CDH20: variants seen among roughly 807,000 people sequenced by gnomAD.
CDH20 encodes the protein cadherin 20.
CDH20 carries 29 observed loss-of-function variants against 74.2 expected under a neutral mutation model. The observed-to-expected ratio is 0.39, with a 90% CI of 0.29 to 0.53. The LOEUF (loss-of-function observed/expected upper bound fraction) is 0.53. CDH20 is among the 20% of genes least tolerant of loss of function. The pLI is 0.69. For missense variants in CDH20, 988 were observed against 1,048.3 expected, an observed-to-expected ratio of 0.94 and a Z score of 0.79; for synonymous variants, 469 against 405.4, an observed-to-expected ratio of 1.16 and a Z score of -1.88.
In CDH20 at chr18:61,544,104, G is replaced by C. The variant is rs773348003; in HGVS notation, c.1531-923G>C. ...CCCTAAAGCAAAATTAAATCCCAAG[G>C]TGTGTGATGGCATGGAGACTGTGCA... On this transcript the variant is annotated intron_variant, in intron 9 of 11. Coordinates refer to ENST00000262717, the MANE Select transcript of CDH20 (RefSeq NM_031891.4). Among the ~76,000 whole-genome samples, 42 of 152,210 alleles carry C rather than the reference G, an allele frequency of 2.8e-4. 1 individual carries two copies. Among genetic ancestry groups the C allele is most frequent in the African/African-American group, 1.9e-4 (8 of 41,448 alleles).
chr18:61,448,045 A>G (rs1286617858), intron 1 of CDH20, among the ~76,000 whole-genome samples: 2 of 152,206 alleles, frequency 1.3e-5, no homozygotes, highest in Non-Finnish European at 2.9e-5. Flanking sequence ...AGCAACCCTC[A>G]CTATGAACTT....
intron 1 of CDH20, among the ~76,000 whole-genome samples, chr18:61,351,989 A>G (rs1052973220): frequency 1.3e-5 from 2 of 152,176 alleles, no homozygotes. Context: ...AAAATAAATG[A>G]TTATCATTTA....
intron 1 of CDH20, among the ~76,000 whole-genome samples, chr18:61,470,372 C>G (rs969823058): frequency 6.6e-6 from 1 of 152,148 alleles, no homozygotes. Flanking sequence ...CATTTTCCAA[C>G]GGAAAAAGGA....
At position 61,499,529 on chromosome 18, in the gene CDH20, T is replaced by TACACAC. The variant is rs71338240; in HGVS notation, c.541+59_541+64dup. On this transcript the variant is annotated intron_variant, in intron 3 of 11. Transcript: ENST00000262717. ...TCACAAATAGCACCTCCTATATATA[T>TACACAC]ACACACACACACACATATGCACATG... The TACACAC allele has an allele frequency of 6.2e-4, 647 of 1,046,054 alleles. 1 individual carries two copies. The highest frequency in any genetic ancestry group is 1.3e-3 in the South Asian group (84 of 65,012). 64.8% of individuals were successfully genotyped at this position (1,046,054 alleles called of 1,614,324 possible).
intron 1 of CDH20, among the ~76,000 whole-genome samples, chr18:61,402,661 T>C (rs939217203): frequency 1.3e-5 from 2 of 152,092 alleles, no homozygotes; most frequent in African/African-American, 4.8e-5. Context: ...CTGAGAAGAG[T>C]ACCATTAGGG....
In CDH20 at chr18:61,550,057, A is replaced by G; in HGVS notation, c.1728A>G (p.Ile576Met). 1 of 1,614,182 alleles carries G rather than the reference A, an allele frequency of 6.2e-7. No homozygotes were observed. The highest frequency in any genetic ancestry group is 8.5e-7 in the Non-Finnish European group (1 of 1,180,026). Reference protein sequence around the residue: ...EQSVFHLPILIADSGQPVLSS... With the variant: ...EQSVFHLPILMADSGQPVLSS... ...GTGTCTTTCACCTGCCTATCCTGAT[A>G]GCAGATAGCGGGCAGCCCGTGCTGA... is the stretch of plus-strand genomic sequence containing the variant. Residue 576 changes from isoleucine (I) to methionine (M), a missense_variant, in exon 11 of 12, where the codon ATA (isoleucine) becomes ATG (methionine). By Grantham distance (10) the Ile-to-Met change is conservative. Coordinates refer to ENST00000262717, the MANE Select transcript of CDH20 (RefSeq NM_031891.4).
chr18:61,433,058 C>T (rs151185767), intron 1 of CDH20, among the ~76,000 whole-genome samples: 4 of 152,260 alleles, frequency 2.6e-5, no homozygotes, highest in African/African-American at 9.6e-5. Context: ...GACTTAAGAT[C>T]TTCTCAACTT....
At chr18:61,403,063 G>A (rs1912209007) in intron 1 of CDH20, among the ~76,000 whole-genome samples, 2 of 152,118 alleles carry the variant, frequency 1.3e-5, no homozygotes, top group South Asian at 4.2e-4. Context: ...AGGATGAATG[G>A]TGCAATACAA....
intron 1 of CDH20, among the ~76,000 whole-genome samples, chr18:61,475,485 G>C (rs1319213719): frequency 6.6e-6 from 1 of 152,114 alleles, no homozygotes; most frequent in Non-Finnish European, 1.5e-5. Context: ...GAAGTTACTA[G>C]GTTTTATTTT....
intron 1 of CDH20, among the ~76,000 whole-genome samples, chr18:61,446,233 C>T (rs1475964765): frequency 6.6e-6 from 1 of 152,200 alleles, no homozygotes; most frequent in Non-Finnish European, 1.5e-5. Flanking sequence ...TACATACACA[C>T]AGTTTCACAC....
intron 1 of CDH20, among the ~76,000 whole-genome samples, chr18:61,428,586 A>C (rs12455169): frequency 6.6e-6 from 1 of 152,108 alleles, no homozygotes; most frequent in East Asian, 1.9e-4. Flanking sequence ...GACACCTTGC[A>C]TCTCAATATC....
chr18:61,372,967 A>G (rs557084268), intron 1 of CDH20, among the ~76,000 whole-genome samples: 2 of 152,270 alleles, frequency 1.3e-5, no homozygotes, highest in Admixed American at 6.5e-5. Flanking sequence ...TAATTCTTCC[A>G]GTACACTCTA....
intron 1 of CDH20, among the ~76,000 whole-genome samples, chr18:61,336,136 G>A (rs748915433): frequency 2.0e-5 from 3 of 152,142 alleles, no homozygotes; most frequent in Non-Finnish European, 4.4e-5. Context: ...GAAGGAAGAC[G>A]CCACTATCCT....
In CDH20 at chr18:61,550,004, A is replaced by C. The variant is rs1352513734; in HGVS notation, c.1675A>C (p.Arg559=). 2 of 1,614,098 alleles carry C rather than the reference A, an allele frequency of 1.2e-6. No individual in the cohort carries two copies. The highest frequency in any genetic ancestry group is 1.1e-5 in the South Asian group (1 of 91,084). ...TAACACAGCACGGATTCTAACCAGG[A>C]GGTCTGGTTTCCGGCAGCAGGAGCA... is the stretch of plus-strand genomic sequence containing the variant. ...QDNTARILTR[R]SGFRQQEQSV... Residue 559 remains arginine, a synonymous_variant, in exon 11 of 12, where the codon AGG becomes CGG. Coordinates refer to ENST00000262717, the MANE Select transcript of CDH20 (RefSeq NM_031891.4).
intron 6 of CDH20, among the ~76,000 whole-genome samples, chr18:61,508,808 T>C (rs1380634362): frequency 1.3e-5 from 2 of 152,102 alleles, no homozygotes; most frequent in African/African-American, 4.8e-5. Flanking sequence ...GGCTAACTTT[T>C]TGTATTTTAG....
chr18:61,441,552 TAA>T (rs1909033287), intron 1 of CDH20, among the ~76,000 whole-genome samples: 1 of 152,090 alleles, frequency 6.6e-6, no homozygotes, highest in Non-Finnish European at 1.5e-5. Flanking sequence ...AAGTTTCCAA[TAA>T]ATTATATTGA....
chr18:61,414,834 T>C (rs1417448097), intron 1 of CDH20, among the ~76,000 whole-genome samples: 1 of 152,032 alleles, frequency 6.6e-6, no homozygotes, highest in East Asian at 1.9e-4. Flanking sequence ...ATAAATAACA[T>C]AGAATTTACT....
intron 1 of CDH20, among the ~76,000 whole-genome samples, chr18:61,398,000 C>T (rs537469687): frequency 2.1e-4 from 32 of 152,194 alleles, no homozygotes; most frequent in Non-Finnish European, 4.4e-4. Context: ...AATGTAGTCT[C>T]CCAACTGTGA....
At chr18:61,538,976 T>C (rs1912930687) in intron 8 of CDH20, 48 bp from the exon 9 acceptor site, 1 of 1,599,526 alleles carries the variant, frequency 6.3e-7, no homozygotes, top group Admixed American at 1.8e-5. Flanking sequence ...TTTTTTTCTT[T>C]TGGCATTACT....
Sources: allele counts gnomAD v4.1 joint callset (sites outside exome capture counted in the v4.1 genomes callset), GRCh38; gene constraint gnomAD v4.1.1; transcripts MANE v1.5; gene names NCBI Gene and HGNC (gene_info 2026-07-23, HGNC 2026-07-21).